RNF152: variants seen among roughly 807,000 people sequenced by gnomAD.
The protein encoded by RNF152 is E3 ubiquitin-protein ligase RNF152.
In RNF152, 11 loss-of-function variants were observed where a neutral mutation model predicts 12.7. The ratio of observed to expected loss-of-function variants is 0.86; its 90% CI spans 0.54 to 1.43. The LOEUF is 1.43. RNF152 is among the 40% of genes most tolerant of loss of function. RNF152 has a pLI of 0.00. For missense variants in RNF152, 255 were observed against 274.8 expected, an observed-to-expected ratio of 0.93 and a Z score of 0.51; for synonymous variants, 113 against 120.3, an observed-to-expected ratio of 0.94 and a Z score of 0.40.
chr18:61,864,618 CAGG>C (rs1220606584), intron 1 of RNF152, among the ~76,000 whole-genome samples: 1 of 152,166 alleles, frequency 6.6e-6, no homozygotes, highest in African/African-American at 2.4e-5. Flanking sequence ...TCTTCCCTAC[CAGG>C]AGGTCTGGGA....
chr18:61,885,430 C>A (rs1912647858), intron 1 of RNF152, among the ~76,000 whole-genome samples: 1 of 152,140 alleles, frequency 6.6e-6, no homozygotes, highest in South Asian at 2.1e-4. Flanking sequence ...GCCTCAGCCT[C>A]CCAAGTAGCT....
chr18:61,844,118 G>GAA (rs759941104), intron 1 of RNF152, among the ~76,000 whole-genome samples: 104 of 112,820 alleles, frequency 9.2e-4, no homozygotes, highest in South Asian at 1.4e-3. Flanking sequence ...AAGAAAGAAA[G>GAA]AAAGAAAGAA....
chr18:61,815,908 C>A lies in RNF152; in HGVS notation c.556G>T (p.Val186Leu). Residue 186 changes from valine to leucine, a missense_variant, in exon 2 of 2, where the codon GTG (valine) becomes TTG (leucine). By Grantham distance (32) the Val-to-Leu change is conservative. Transcript: ENST00000312828. ...GAAATGCAAGACATGTTGTGAAGCA[C>A]GATGCCGAGGAGGAAGACCAAGACG... is the stretch of plus-strand genomic sequence containing the variant. ...ACVLVFLLGI[V>L]LHNMSCISKR... 1 of 1,614,198 alleles carries A rather than the reference C, an allele frequency of 6.2e-7. No individual in the cohort carries two copies. The highest frequency in any genetic ancestry group is 8.5e-7 in the Non-Finnish European group (1 of 1,180,040).
intron 1 of RNF152, among the ~76,000 whole-genome samples, chr18:61,887,652 A>T (rs1290940435): frequency 6.7e-6 from 1 of 149,600 alleles, no homozygotes; most frequent in African/African-American, 2.5e-5. Context: ...GTGAGCTGAG[A>T]TCATGCCCCA....
At chr18:61,888,653 C>T (rs1447311448) in intron 1 of RNF152, 11 of 152,168 alleles carry the variant, frequency 7.2e-5, no homozygotes, top group Non-Finnish European at 1.0e-4. Flanking sequence ...TTTCCACTTA[C>T]AATATTTTTA....
At chr18:61,888,314 A>G (rs951963794) in intron 1 of RNF152, 1 of 152,238 alleles carries the variant, frequency 6.6e-6, no homozygotes, top group African/African-American at 2.4e-5. Context: ...CAGTGAGTCA[A>G]TTAGAAATTG....
chr18:61,837,790 G>C (rs753655305), intron 1 of RNF152, among the ~76,000 whole-genome samples: 18 of 152,212 alleles, frequency 1.2e-4, no homozygotes, highest in Non-Finnish European at 2.6e-4. Context: ...ACTTAGTGCT[G>C]TTCTTGATAT....
rs142190304 is a variant in RNF152, at chr18:61,813,257, T to TTC, written c.*2593_*2594dup. 0.093 allele frequency: 11,613 copies of TTC among 125,300 alleles called. 703 individuals carry two copies. Among genetic ancestry groups the TTC allele is most frequent in the East Asian group, 0.34 (1,432 of 4,226 alleles). 7.8% of individuals were successfully genotyped at this position (125,300 alleles called of 1,614,324 possible). On this transcript the variant is annotated 3_prime_UTR_variant, in exon 2 of 2. Coordinates refer to ENST00000312828, the MANE Select transcript of RNF152 (RefSeq NM_173557.3). ...TAAAATTCTATCTGGGAGACTGAGA[T>TTC]TCTCTCTCTCTCTCTCTCTCTCACA... is the stretch of plus-strand genomic sequence containing the variant.
chr18:61,856,739 A>G (rs1911240016), intron 1 of RNF152, among the ~76,000 whole-genome samples: 1 of 151,822 alleles, frequency 6.6e-6, no homozygotes, highest in African/African-American at 2.4e-5. Context: ...GAAAATGAAA[A>G]GTGGATTCAC....
At chr18:61,836,025 TA>T (rs1910165470) in intron 1 of RNF152, among the ~76,000 whole-genome samples, 1 of 152,180 alleles carries the variant, frequency 6.6e-6, no homozygotes, top group African/African-American at 2.4e-5. Flanking sequence ...TGATTTAAAA[TA>T]ATACATAAAT....
intron 1 of RNF152, among the ~76,000 whole-genome samples, chr18:61,862,833 A>G (rs1308889730): frequency 1.3e-5 from 2 of 152,160 alleles, no homozygotes; most frequent in African/African-American, 4.8e-5. Context: ...AGTTCCGAGG[A>G]GGCCCAGACT....
At chr18:61,869,805 G>A (rs527514883) in intron 1 of RNF152, among the ~76,000 whole-genome samples, 26 of 152,246 alleles carry the variant, frequency 1.7e-4, no homozygotes, top group African/African-American at 6.3e-4. Flanking sequence ...CATAAACTCA[G>A]ACAAGCCACT....
chr18:61,840,798 C>G (rs1568273460), intron 1 of RNF152, among the ~76,000 whole-genome samples: 2 of 152,218 alleles, frequency 1.3e-5, no homozygotes, highest in African/African-American at 2.4e-5. Context: ...AATGGATAGA[C>G]AGTGTAGCAT....
At chr18:61,830,403 GCC>G (rs1399736858) in intron 1 of RNF152, among the ~76,000 whole-genome samples, 1 of 152,046 alleles carries the variant, frequency 6.6e-6, no homozygotes, top group Non-Finnish European at 1.5e-5. Context: ...CCTGCCCCCA[GCC>G]CCTGCTAACC....
intron 1 of RNF152, among the ~76,000 whole-genome samples, chr18:61,854,552 C>A (rs9950358): frequency 6.6e-6 from 1 of 152,272 alleles, no homozygotes; most frequent in Middle Eastern, 3.4e-3. Flanking sequence ...CTCAACTGAG[C>A]GAATTAAAGA....
At chr18:61,819,554 G>C (rs75481334) in intron 1 of RNF152, among the ~76,000 whole-genome samples, 1 of 152,100 alleles carries the variant, frequency 6.6e-6, no homozygotes, top group Admixed American at 6.5e-5. Flanking sequence ...GATCTTGCAG[G>C]GTATTGCAAT....
chr18:61,851,282 C>T (rs1910962469), intron 1 of RNF152, among the ~76,000 whole-genome samples: 3 of 152,038 alleles, frequency 2.0e-5, no homozygotes, highest in Non-Finnish European at 1.5e-5. Flanking sequence ...AACTTTAAAT[C>T]ACTGAAGTCC....
chr18:61,860,642 G>A (rs978335759), intron 1 of RNF152, among the ~76,000 whole-genome samples: 1 of 152,160 alleles, frequency 6.6e-6, no homozygotes, highest in Non-Finnish European at 1.5e-5. Flanking sequence ...TGCATTTACT[G>A]TACTATATTT....
chr18:61,870,871 A>G (rs1232203315), intron 1 of RNF152, among the ~76,000 whole-genome samples: 1 of 151,914 alleles, frequency 6.6e-6, no homozygotes, highest in Non-Finnish European at 1.5e-5. Context: ...CCCATCACAC[A>G]CATTGCACCC....
Sources: allele counts gnomAD v4.1 joint callset (sites outside exome capture counted in the v4.1 genomes callset), GRCh38; gene constraint gnomAD v4.1.1; transcripts MANE v1.5; gene names NCBI Gene and HGNC (gene_info 2026-07-23, HGNC 2026-07-21).